The following ABCC1 variants were observed in gnomAD, a reference collection of about 807,000 sequenced individuals.
ABCC1 encodes ATP binding cassette subfamily C member 1 (ABCC1 blood group), also known as multidrug resistance-associated protein 1.
A neutral mutation model predicts 172.9 loss-of-function variants in ABCC1; 83 were observed. The observed-to-expected ratio is 0.48, with a 90% confidence interval of 0.40 to 0.58. The LOEUF is 0.58. Ranked by LOEUF, ABCC1 falls within the 20% of genes least tolerant of loss-of-function variation. The pLI, the probability that ABCC1 is intolerant of heterozygous loss-of-function variation, is 0.00. For synonymous variants in ABCC1, 937 were observed against 825.2 expected (o/e 1.14, Z -2.32); for missense variants, 1,817 against 2,002.7 (o/e 0.91, Z 1.77).
chr16:15,959,578 G>A (rs1165214294), intron 1 of ABCC1, among the ~76,000 whole-genome samples: 1 of 152,068 alleles, frequency 6.6e-6, no homozygotes, highest in African/African-American at 2.4e-5. Flanking sequence ...CTCCTGCCTC[G>A]GCCTCCCAAA....
At chr16:15,956,381 A>G (rs971958643) in intron 1 of ABCC1, among the ~76,000 whole-genome samples, 12 of 151,974 alleles carry the variant, frequency 7.9e-5, no homozygotes, top group South Asian at 2.1e-4. Context: ...AAAAAACACA[A>G]TAAAGGAAAG....
chr16:16,122,252 G>C (rs896809102), intron 24 of ABCC1, 78 bp downstream of exon 24: 1 of 1,509,894 alleles, frequency 6.6e-7, no homozygotes. Context: ...TCTTTTCCTC[G>C]CACCTTGAGC....
chr16:16,130,076 T>G (rs2152130184), intron 26 of ABCC1, among the ~76,000 whole-genome samples: 2 of 152,340 alleles, frequency 1.3e-5, no homozygotes, highest in African/African-American at 4.8e-5. Context: ...TGAACTACTT[T>G]TCAAAAGGAG....
chr16:16,141,614 T>C lies in ABCC1; in HGVS notation c.*333T>C, dbSNP rs1332270906. 1 of 326,900 alleles carries C rather than the reference T, an allele frequency of 3.1e-6. No individual in the cohort carries two copies. The highest frequency in any genetic ancestry group is 2.1e-5 in the African/African-American group (1 of 47,120). 20.2% of individuals were successfully genotyped at this position (326,900 alleles called of 1,614,324 possible). On this transcript the variant is annotated 3_prime_UTR_variant, in exon 31 of 31. Coordinates refer to ENST00000399410, the MANE Select transcript of ABCC1 (RefSeq NM_004996.4). ...ACGGAGGAGTTTTGGCAGCCAGACTTCTGGAGGAATTGGTTGTATAGAAGA... is the reference window on the plus strand; with the variant it reads ...ACGGAGGAGTTTTGGCAGCCAGACTCCTGGAGGAATTGGTTGTATAGAAGA...
chr16:16,044,095 C>T (rs1179439892), intron 7 of ABCC1, among the ~76,000 whole-genome samples: 1 of 152,208 alleles, frequency 6.6e-6, no homozygotes, highest in Non-Finnish European at 1.5e-5. Context: ...AGTTTGGAGC[C>T]ATCAGTTTTC....
chr16:16,027,695 C>G (rs1195084997), intron 5 of ABCC1, among the ~76,000 whole-genome samples: 1 of 152,092 alleles, frequency 6.6e-6, no homozygotes, highest in South Asian at 2.1e-4. Context: ...CGTCTGTAGT[C>G]CCAGCTACCT....
intron 1 of ABCC1, among the ~76,000 whole-genome samples, chr16:15,952,160 G>A (rs2045888703): frequency 6.6e-6 from 1 of 152,228 alleles, no homozygotes. Flanking sequence ...GGGTTGTTGC[G>A]AAGGGTCAAT....
At chr16:15,979,332 T>C (rs1357146175) in intron 1 of ABCC1, among the ~76,000 whole-genome samples, 8 of 152,070 alleles carry the variant, frequency 5.3e-5, no homozygotes, top group Non-Finnish European at 1.0e-4. Context: ...AAATTTTTTT[T>C]CCACAAATGT....
chr16:15,969,491 GC>G (rs1194577521), intron 1 of ABCC1, among the ~76,000 whole-genome samples: 8 of 151,096 alleles, frequency 5.3e-5, no homozygotes, highest in Non-Finnish European at 1.5e-5. Context: ...TCCTGCCTCA[GC>G]CCCCCGAGTA....
In ABCC1 at chr16:16,037,436, C is replaced by CTGAGACACCATTAGTTGCG. The variant is rs150950009; in HGVS notation, c.809+837_809+855dup. Among the ~76,000 whole-genome samples, 1,158 of 152,290 alleles carry CTGAGACACCATTAGTTGCG rather than the reference C, an allele frequency of 7.6e-3. 9 individuals are homozygous for CTGAGACACCATTAGTTGCG. The highest frequency in any genetic ancestry group is 0.026 in the African/African-American group (1,084 of 41,570). On this transcript the variant is annotated intron_variant, in intron 7 of 30. Transcript: ENST00000399410. ...CTGCACATACCTTAACTCATCAAAT[C>CTGAGACACCATTAGTTGCG]TGAGACACCATTAGTTGCGTGATGC...
rs10580146 is a variant in ABCC1, at chr16:16,034,023, CTTTTT to C, written c.677+871_677+875del. Among the ~76,000 whole-genome samples the C allele has an allele frequency of 5.8e-5, 5 of 86,828 alleles. 1 individual carries two copies. Among genetic ancestry groups the C allele is most frequent in the African/African-American group, 8.7e-5 (2 of 22,978 alleles). 57.0% of individuals were successfully genotyped at this position (86,828 alleles called of 152,430 possible). ...TTTTTTTGCCCCTAATAAGCATCAT[CTTTTT>C]TTTTTTTTTTTTTTTTTGAGACAGG... On this transcript the variant is annotated intron_variant, in intron 6 of 30. Coordinates refer to ENST00000399410, the MANE Select transcript of ABCC1 (RefSeq NM_004996.4).
At chr16:16,039,733 C>G (rs142370687) in intron 7 of ABCC1, among the ~76,000 whole-genome samples, 6 of 152,228 alleles carry the variant, frequency 3.9e-5, no homozygotes, top group African/African-American at 1.4e-4. Context: ...ACATGCCCAG[C>G]TGACCATGTA....
chr16:16,048,359 C>G (rs2049301436), intron 10 of ABCC1, 56 bp downstream of exon 10: 2 of 1,597,518 alleles, frequency 1.3e-6, no homozygotes, highest in Non-Finnish European at 1.7e-6. Context: ...TACGTGTGGG[C>G]AGTGGGCCGA....
intron 5 of ABCC1, among the ~76,000 whole-genome samples, chr16:16,026,404 A>C (rs1026201850): frequency 8.0e-6 from 1 of 125,628 alleles, no homozygotes; most frequent in African/African-American, 3.0e-5. Context: ...ATTGCGCTGC[A>C]GCCTGGGCGA....
At chr16:15,964,036 TG>T (rs1432606636) in intron 1 of ABCC1, among the ~76,000 whole-genome samples, 1 of 151,944 alleles carries the variant, frequency 6.6e-6, no homozygotes. Flanking sequence ...CTCTGCCTCC[TG>T]GGTTCAAGCA....
At chr16:16,053,773 T>A (rs2049526048) in intron 11 of ABCC1, among the ~76,000 whole-genome samples, 1 of 16,008 alleles carries the variant, frequency 6.2e-5, no homozygotes, top group Non-Finnish European at 1.2e-4. Flanking sequence ...AGACCCTGTC[T>A]CAAAAAAAAA....
chr16:16,026,339 CAGG>C (rs1327748648), intron 5 of ABCC1, among the ~76,000 whole-genome samples: 1 of 140,886 alleles, frequency 7.1e-6, no homozygotes, highest in East Asian at 2.2e-4. Flanking sequence ...CAGGATGAGG[CAGG>C]AGAACTGTTT....
intron 6 of ABCC1, among the ~76,000 whole-genome samples, chr16:16,033,770 T>C (rs1279534975): frequency 6.6e-6 from 1 of 151,702 alleles, no homozygotes; most frequent in Non-Finnish European, 1.5e-5. Context: ...ATTACAGGCT[T>C]GCGCCACCAT....
intron 5 of ABCC1, among the ~76,000 whole-genome samples, chr16:16,019,265 G>A (rs2048114169): frequency 6.6e-6 from 1 of 151,928 alleles, no homozygotes; most frequent in Non-Finnish European, 1.5e-5. Flanking sequence ...CACCATGCTC[G>A]ACTAATTTTT....
Sources: allele counts gnomAD v4.1 joint callset (sites outside exome capture counted in the v4.1 genomes callset), GRCh38; gene constraint gnomAD v4.1.1; transcripts MANE v1.5; gene names NCBI Gene and HGNC (gene_info 2026-07-23, HGNC 2026-07-21).